LMBR1: variants seen among roughly 807,000 people sequenced by gnomAD.
LMBR1 encodes the protein limb region 1 protein homolog.
A neutral mutation model predicts 73.9 loss-of-function variants in LMBR1; 52 were observed. That is an observed-to-expected ratio of 0.70 (90% CI 0.56 to 0.89). LMBR1 has a LOEUF of 0.89. Ranked by LOEUF, LMBR1 falls within the 40% of genes least tolerant of loss-of-function variation. The probability of loss-of-function intolerance (pLI) is 0.00; values close to 1 mark genes in which losing one functional copy is unlikely to be tolerated. For synonymous variants in LMBR1, 215 were observed against 209.4 expected (o/e 1.03, Z -0.23); for missense variants, 539 against 579.8 (o/e 0.93, Z 0.72).
At chr7:156,714,758 G>A (rs1173405806) in intron 15 of LMBR1, among the ~76,000 whole-genome samples, 2 of 152,010 alleles carry the variant, frequency 1.3e-5, no homozygotes, top group African/African-American at 4.8e-5. Flanking sequence ...CCAGAAAGGC[G>A]ACTTTCAAAA....
downstream of LMBR1, chr7:156,676,693 A>ATC (rs1444599587): frequency 4.6e-6 from 7 of 1,511,194 alleles, no homozygotes; most frequent in Non-Finnish European, 5.5e-6. Context: ...TCTGAGGAAA[A>ATC]AAGTTTACCA....
intron 2 of LMBR1, among the ~76,000 whole-genome samples, chr7:156,835,815 T>C (rs940593890): frequency 2.2e-4 from 33 of 152,030 alleles, no homozygotes; most frequent in African/African-American, 8.0e-4. Flanking sequence ...CTCCCACCAC[T>C]CCTGCGTTAC....
In LMBR1 at chr7:156,835,155, A is replaced by C. The variant is rs1256030989; in HGVS notation, c.140-1363T>G. ...CTTGTCTCAAAACAAAACAAAAAAA[A>C]GAATACCACAAACCCTCCTGGCCCC... On this transcript the variant is annotated intron_variant, in intron 2 of 16. Coordinates refer to ENST00000353442, the MANE Select transcript of LMBR1 (RefSeq NM_022458.4). 1.3e-5 allele frequency among the ~76,000 whole-genome samples: 2 copies of C among 152,088 alleles called. 1 individual carries two copies. Among genetic ancestry groups the C allele is most frequent in the Admixed American group, 1.3e-4 (2 of 15,268 alleles).
intron 15 of LMBR1, among the ~76,000 whole-genome samples, chr7:156,712,433 C>T (rs1344267517): frequency 1.3e-5 from 2 of 152,188 alleles, no homozygotes; most frequent in Non-Finnish European, 2.9e-5. Context: ...TTATTACAAC[C>T]TCTATGGAAA....
intron 4 of LMBR1, among the ~76,000 whole-genome samples, chr7:156,798,674 A>G (rs1830439398): frequency 6.6e-6 from 1 of 152,136 alleles, no homozygotes; most frequent in South Asian, 2.1e-4. Context: ...GGGTATAACA[A>G]TAATTAGTAT....
intron 1 of LMBR1, among the ~76,000 whole-genome samples, chr7:156,874,915 C>T (rs1799933695): frequency 6.6e-6 from 1 of 152,228 alleles, no homozygotes; most frequent in Admixed American, 6.5e-5. Context: ...AAATATCACA[C>T]TGGCTAACCA....
chr7:156,886,673 G>A (rs1586476405), intron 1 of LMBR1, among the ~76,000 whole-genome samples: 1 of 152,278 alleles, frequency 6.6e-6, no homozygotes, highest in Non-Finnish European at 1.5e-5. Flanking sequence ...TCTTAATATT[G>A]CTTATCTGGA....
At chr7:156,747,516 A>G (rs927687118) in intron 9 of LMBR1, among the ~76,000 whole-genome samples, 1 of 152,178 alleles carries the variant, frequency 6.6e-6, no homozygotes, top group African/African-American at 2.4e-5. Flanking sequence ...GTATTTTTAA[A>G]AACAAATACA....
At chr7:156,763,263 G>T in intron 6 of LMBR1, 87 bp from the exon 7 acceptor site, 1 of 573,602 alleles carries the variant, frequency 1.7e-6, no homozygotes, top group South Asian at 2.6e-5. Context: ...GATAGAGGCT[G>T]ACTGTACCTC....
intron 1 of LMBR1, among the ~76,000 whole-genome samples, chr7:156,873,899 A>G (rs1366246211): frequency 6.6e-6 from 1 of 151,666 alleles, no homozygotes; most frequent in Non-Finnish European, 1.5e-5. Flanking sequence ...AGACATAAAG[A>G]CTCTCCACAT....
At position 156,684,006 on chromosome 7, in the gene LMBR1, T is replaced by C; in HGVS notation, c.*72A>G. 1 of 1,247,528 alleles carries C rather than the reference T, an allele frequency of 8.0e-7. No homozygotes were observed. Among genetic ancestry groups the C allele is most frequent in the Non-Finnish European group, 1.2e-6 (1 of 856,592 alleles). The allele number at this position is 1,247,528 out of a possible 1,614,324, so 77.3% of individuals were successfully genotyped here. ...GGCCACGGTTGAATGGAAATGCTTC[T>C]ACATGGGACAGGAATGTCGTGAATC... On this transcript the variant is annotated 3_prime_UTR_variant, in exon 17 of 17. Transcript: ENST00000353442.
intron 15 of LMBR1, among the ~76,000 whole-genome samples, chr7:156,704,120 A>C (rs1178592137): frequency 1.3e-5 from 2 of 152,166 alleles, no homozygotes; most frequent in African/African-American, 4.8e-5. Context: ...AGCATCCAGG[A>C]AAGCTACACA....
chr7:156,865,115 T>C (rs1214725803), intron 1 of LMBR1, among the ~76,000 whole-genome samples: 1 of 151,780 alleles, frequency 6.6e-6, no homozygotes, highest in Non-Finnish European at 1.5e-5. Context: ...AAGACCAGCC[T>C]GGGCAACATA....
chr7:156,808,335 T>A (rs1229155361), intron 4 of LMBR1, among the ~76,000 whole-genome samples: 1 of 152,174 alleles, frequency 6.6e-6, no homozygotes, highest in African/African-American at 2.4e-5. Flanking sequence ...CACTTCAACA[T>A]GATGAAATGA....
chr7:156,769,277 A>G lies in LMBR1; in HGVS notation c.424-5482T>C, dbSNP rs116462624. Among the ~76,000 whole-genome samples the G allele has an allele frequency of 0.014, 2,178 of 152,200 alleles. 43 individuals carry two copies. The highest frequency in any genetic ancestry group is 0.049 in the African/African-American group (2,026 of 41,514). ...TGAGACTCCTTGACTCAGCAGCCAC[A>G]CCCATAATGCCTTCTGACTGGAGCT... On this transcript the variant is annotated intron_variant, in intron 5 of 16. Transcript: ENST00000353442.
intron 1 of LMBR1, among the ~76,000 whole-genome samples, chr7:156,842,043 T>C (rs1838797187): frequency 6.6e-6 from 1 of 150,712 alleles, no homozygotes; most frequent in African/African-American, 2.4e-5. Flanking sequence ...GACAGAATAT[T>C]TCAGTTCAGT....
chr7:156,712,336 T>C lies in LMBR1; in HGVS notation c.1225+11776A>G, dbSNP rs143277801. 4.5e-3 allele frequency among the ~76,000 whole-genome samples: 690 copies of C among 152,080 alleles called. 5 individuals carry two copies. Among genetic ancestry groups the C allele is most frequent in the Non-Finnish European group, 6.4e-3 (432 of 67,994 alleles). ...ATTATCTTACATCAGTCAGAATGGC[T>C]ACTATTAAAAAGTAAAAAAAAACAA... On this transcript the variant is annotated intron_variant, in intron 15 of 16. Coordinates refer to ENST00000353442, the MANE Select transcript of LMBR1 (RefSeq NM_022458.4).
At chr7:156,880,551 G>A (rs2134452794) in intron 1 of LMBR1, among the ~76,000 whole-genome samples, 1 of 152,002 alleles carries the variant, frequency 6.6e-6, no homozygotes, top group South Asian at 2.1e-4. Context: ...ACAGACAAAG[G>A]GAAAGACACC....
chr7:156,870,335 T>G (rs1586357521), intron 1 of LMBR1, among the ~76,000 whole-genome samples: 2 of 152,102 alleles, frequency 1.3e-5, no homozygotes, highest in South Asian at 4.1e-4. Context: ...CTTAGCAAAT[T>G]TAAGAAGGCT....
Sources: gnomAD v4.1 joint callset for allele counts (sites outside exome capture counted in the v4.1 genomes callset) on GRCh38, gnomAD v4.1.1 for gene constraint, MANE v1.5 for transcripts, NCBI Gene and HGNC (gene_info 2026-07-23, HGNC 2026-07-21) for gene names.